Variants in BTBD16 observed in about 807,000 individuals in gnomAD.
BTBD16 encodes BTB domain containing 16, also known as BTB/POZ domain-containing protein 16.
Under a neutral mutation model 67.4 loss-of-function variants are expected in BTBD16, and 66 were observed. That is an observed-to-expected ratio of 0.98 (90% CI 0.80 to 1.20). The LOEUF (loss-of-function observed/expected upper bound fraction) is 1.20. BTBD16 is among the 50% of genes most tolerant of loss of function. The pLI is 0.00. For missense variants in BTBD16, 634 were observed against 616.0 expected (o/e 1.03, Z -0.31); for synonymous variants, 242 against 236.4 (o/e 1.02, Z -0.22).
At chr10:122,324,998 A>T in intron 10 of BTBD16, among the ~76,000 whole-genome samples, 1 of 152,222 alleles carries the variant, frequency 6.6e-6, no homozygotes, top group Non-Finnish European at 1.5e-5. Flanking sequence ...CCATCTTGAC[A>T]GACAGAAGGA....
At chr10:122,310,341 C>T (rs2096411564) in intron 10 of BTBD16, among the ~76,000 whole-genome samples, 1 of 152,184 alleles carries the variant, frequency 6.6e-6, no homozygotes, top group African/African-American at 2.4e-5. Context: ...TCCATGTTTG[C>T]CATCCCCTGC....
intron 14 of BTBD16, among the ~76,000 whole-genome samples, chr10:122,335,547 C>T (rs938861476): frequency 1.3e-5 from 2 of 152,228 alleles, no homozygotes; most frequent in Non-Finnish European, 2.9e-5. Flanking sequence ...AGGAACTCTC[C>T]TCTGTGCAGT....
intron 13 of BTBD16, chr10:122,332,738 A>G (rs552290561): frequency 1.2e-6 from 1 of 845,220 alleles, no homozygotes; most frequent in Admixed American, 6.2e-5. Flanking sequence ...CACTAAGAGG[A>G]CCAGCAGTCC....
At position 122,334,818 on chromosome 10, in the gene BTBD16, G is replaced by A. The variant is rs930507745; in HGVS notation, c.1165-63G>A. The A allele has an allele frequency of 4.2e-5, 44 of 1,040,892 alleles. No individual in the cohort carries two copies. The Admixed American group carries it at 4.8e-4, about 11-fold the overall frequency. The allele number at this position is 1,040,892 out of a possible 1,614,324, so 64.5% of individuals were successfully genotyped here. ...ATTACAGGTGTGAACCACCACGCCC[G>A]GGTGACTTTGAATACTAAATATTTT... is the stretch of plus-strand genomic sequence containing the variant. On this transcript the variant is annotated intron_variant, in intron 13 of 15. Coordinates refer to ENST00000260723, the MANE Select transcript of BTBD16 (RefSeq NM_144587.5).
chr10:122,286,573 G>A (rs2096364233), intron 5 of BTBD16, among the ~76,000 whole-genome samples: 1 of 152,090 alleles, frequency 6.6e-6, no homozygotes, highest in South Asian at 2.1e-4. Context: ...CAGACATAGA[G>A]ACTCTACCTA....
intron 9 of BTBD16, among the ~76,000 whole-genome samples, chr10:122,304,550 CTTTTTTTTTTT>C (rs3037891): frequency 1.0e-5 from 1 of 95,470 alleles, no homozygotes; most frequent in African/African-American, 4.3e-5. Context: ...AGCAGGTATT[CTTTTTTTTTTT>C]TTTTTTTTTT....
At chr10:122,315,519 T>A (rs2096422381) in intron 10 of BTBD16, among the ~76,000 whole-genome samples, 1 of 152,210 alleles carries the variant, frequency 6.6e-6, no homozygotes, top group Non-Finnish European at 1.5e-5. Flanking sequence ...TATACTAATT[T>A]CATCAAATAC....
chr10:122,303,574 T>C (rs2096397991), intron 9 of BTBD16: 1 of 292,628 alleles, frequency 3.4e-6, no homozygotes, highest in Non-Finnish European at 5.1e-6. Context: ...TCCTTGTTCA[T>C]ATCTTACTCA....
chr10:122,304,030 G>A (rs1405131275), intron 9 of BTBD16, among the ~76,000 whole-genome samples: 1 of 152,156 alleles, frequency 6.6e-6, no homozygotes, highest in African/African-American at 2.4e-5. Flanking sequence ...GACCTCAAAG[G>A]GCCTTCTGGG....
At chr10:122,336,736 C>G (rs1175586775) in intron 15 of BTBD16, 54 bp downstream of exon 15, 15 of 1,458,726 alleles carry the variant, frequency 1.0e-5, no homozygotes, top group Non-Finnish European at 1.4e-5. Context: ...TTCTCTCCCC[C>G]ATCCTTTTGG....
chr10:122,333,122 G>A (rs750220076), intron 13 of BTBD16: 19 of 232,522 alleles, frequency 8.2e-5, no homozygotes, highest in East Asian at 3.6e-4. Context: ...AGGCACCCCC[G>A]CAGTGATCTC....
intron 10 of BTBD16, among the ~76,000 whole-genome samples, chr10:122,317,563 C>T (rs1046389331): frequency 1.3e-5 from 2 of 151,960 alleles, no homozygotes; most frequent in Non-Finnish European, 1.5e-5. Flanking sequence ...AGGAGAATGG[C>T]GTGAACCTGG....
chr10:122,300,485 G>GT (rs1020778308), intron 9 of BTBD16, among the ~76,000 whole-genome samples: 36 of 151,916 alleles, frequency 2.4e-4, no homozygotes, highest in African/African-American at 8.5e-4. Flanking sequence ...ATATACACTT[G>GT]TTTTTTCTGA....
intron 13 of BTBD16, 36 bp downstream of exon 13, chr10:122,332,549 G>T (rs756121510): frequency 1.3e-6 from 2 of 1,589,074 alleles, no homozygotes; most frequent in Middle Eastern, 3.3e-4. Flanking sequence ...GGGAAGAACT[G>T]TTCCTCTCGT....
intron 10 of BTBD16, among the ~76,000 whole-genome samples, chr10:122,320,520 C>CT (rs2096433702): frequency 6.6e-6 from 1 of 151,938 alleles, no homozygotes. Flanking sequence ...CTATAAATTT[C>CT]CCTCTAATTA....
At chr10:122,335,992 A>G (rs2096462696) in intron 14 of BTBD16, among the ~76,000 whole-genome samples, 1 of 152,328 alleles carries the variant, frequency 6.6e-6, no homozygotes, top group African/African-American at 2.4e-5. Context: ...GAATAAATGA[A>G]TGGATAAACG....
At chr10:122,279,739 T>C (rs1282076190) in intron 3 of BTBD16, among the ~76,000 whole-genome samples, 2 of 152,174 alleles carry the variant, frequency 1.3e-5, no homozygotes, top group African/African-American at 2.4e-5. Flanking sequence ...ACATACGTTA[T>C]ATCCCCCAAA....
intron 4 of BTBD16, among the ~76,000 whole-genome samples, chr10:122,284,779 C>G (rs1017361405): frequency 1.3e-5 from 2 of 149,004 alleles, no homozygotes; most frequent in African/African-American, 4.9e-5. Context: ...ATTCTTTTCT[C>G]TCCTTCAACT....
intron 1 of BTBD16, among the ~76,000 whole-genome samples, chr10:122,273,245 T>TATATATATATATATAC (rs1249462780): frequency 1.4e-4 from 19 of 139,472 alleles, no homozygotes; most frequent in Middle Eastern, 3.7e-3. Flanking sequence ...TATATATATA[T>TATATATATATATATAC]ACACACATAC....
Sources: gnomAD v4.1 joint callset for allele counts (sites outside exome capture counted in the v4.1 genomes callset) on GRCh38, gnomAD v4.1.1 for gene constraint, MANE v1.5 for transcripts, NCBI Gene and HGNC (gene_info 2026-07-23, HGNC 2026-07-21) for gene names.